The following IQCM variants were observed in gnomAD, a reference collection of about 807,000 sequenced individuals.
IQCM encodes the protein IQ domain-containing protein M.
A neutral mutation model predicts 57.6 loss-of-function variants in IQCM; 45 were observed. That is an observed-to-expected ratio of 0.78 (90% CI 0.62 to 1.00). The LOEUF is 1.00. IQCM is among the 50% of genes least tolerant of loss of function. The pLI is 0.00. For missense variants in IQCM, 468 were observed against 511.6 expected (o/e 0.91, Z 0.82); for synonymous variants, 148 against 158.9 (o/e 0.93, Z 0.51).
At chr4:149,490,125 TAATC>T (rs1486653780) in intron 12 of IQCM, among the ~76,000 whole-genome samples, 16 of 151,898 alleles carry the variant, frequency 1.1e-4, no homozygotes. Flanking sequence ...ATAAGTTGCA[TAATC>T]AATGAAAAAA....
intron 5 of IQCM, among the ~76,000 whole-genome samples, chr4:149,728,153 C>CT (rs1766131148): frequency 6.6e-6 from 1 of 152,216 alleles, no homozygotes; most frequent in African/African-American, 2.4e-5. Context: ...CACATTAACT[C>CT]TTTTTTCACT....
At chr4:149,456,007 A>C (rs1194226166) in intron 12 of IQCM, among the ~76,000 whole-genome samples, 2 of 151,918 alleles carry the variant, frequency 1.3e-5, no homozygotes, top group Non-Finnish European at 2.9e-5. Context: ...TAAAAAAGAA[A>C]AGATTTCTTA....
intron 12 of IQCM, among the ~76,000 whole-genome samples, chr4:149,474,532 A>T (rs918186552): frequency 7.6e-5 from 11 of 144,384 alleles, no homozygotes; most frequent in Non-Finnish European, 1.1e-4. Context: ...ACATGGTGAA[A>T]CCCCGTCACT....
intron 12 of IQCM, among the ~76,000 whole-genome samples, chr4:149,484,117 T>G (rs1435603500): frequency 6.6e-6 from 1 of 152,028 alleles, no homozygotes; most frequent in Non-Finnish European, 1.5e-5. Context: ...CCTGCTCTTT[T>G]TTTGTTTGTT....
intron 12 of IQCM, among the ~76,000 whole-genome samples, chr4:149,452,101 C>T (rs1379076229): frequency 6.6e-6 from 1 of 151,534 alleles, no homozygotes; most frequent in African/African-American, 2.4e-5. Context: ...AAAATTGCAT[C>T]ATGATATATT....
intron 5 of IQCM, among the ~76,000 whole-genome samples, chr4:149,732,042 A>G (rs190682616): frequency 7.2e-5 from 11 of 152,146 alleles, no homozygotes; most frequent in African/African-American, 2.6e-4. Flanking sequence ...CTCCTCACTT[A>G]GCTCTCTGTC....
chr4:149,440,196 AACCTCAGGTGATC>A (rs1454286108), intron 12 of IQCM, among the ~76,000 whole-genome samples: 2 of 139,716 alleles, frequency 1.4e-5, no homozygotes, highest in East Asian at 4.2e-4. Context: ...TCAAACTCCC[AACCTCAGGTGATC>A]TGCCGCCTTG....
intron 13 of IQCM, among the ~76,000 whole-genome samples, chr4:149,403,490 C>T (rs955570350): frequency 1.3e-5 from 2 of 151,910 alleles, no homozygotes; most frequent in African/African-American, 2.4e-5. Context: ...AGTTTGAGAG[C>T]AATAGCAATT....
chr4:149,815,537 G>T (rs1774981761), intron 1 of IQCM, 63 bp downstream of exon 1: 1 of 151,802 alleles, frequency 6.6e-6, no homozygotes, highest in Non-Finnish European at 1.5e-5. Flanking sequence ...AGTGTGTAAA[G>T]CTTTTTATAA....
chr4:149,793,367 A>AT (rs1772816862), intron 2 of IQCM, among the ~76,000 whole-genome samples: 2 of 152,052 alleles, frequency 1.3e-5, no homozygotes, highest in South Asian at 2.1e-4. Flanking sequence ...TAGGCACCTC[A>AT]TTTTCCACCT....
At chr4:149,462,105 T>C (rs1429176108) in intron 12 of IQCM, among the ~76,000 whole-genome samples, 1 of 152,178 alleles carries the variant, frequency 6.6e-6, no homozygotes, top group Non-Finnish European at 1.5e-5. Context: ...GAGTGATCTA[T>C]GAATTATTTG....
intron 13 of IQCM, among the ~76,000 whole-genome samples, chr4:149,406,159 C>T (rs910223451): frequency 6.6e-6 from 1 of 151,856 alleles, no homozygotes; most frequent in Non-Finnish European, 1.5e-5. Context: ...TACCCTTAGC[C>T]AGGAACTGTC....
At chr4:149,776,845 A>C (rs900135577) in intron 2 of IQCM, among the ~76,000 whole-genome samples, 1 of 151,500 alleles carries the variant, frequency 6.6e-6, no homozygotes. Context: ...TCAAGAGTCT[A>C]TAATAAAATA....
chr4:149,732,815 C>A (rs1274297329), intron 5 of IQCM, among the ~76,000 whole-genome samples: 1 of 152,184 alleles, frequency 6.6e-6, no homozygotes, highest in African/African-American at 2.4e-5. Flanking sequence ...TTTACAATTT[C>A]TTTTAAGGGA....
intron 3 of IQCM, among the ~76,000 whole-genome samples, chr4:149,738,214 CT>C: frequency 6.6e-6 from 1 of 152,310 alleles, no homozygotes; most frequent in Admixed American, 6.5e-5. Flanking sequence ...AAATGTACTG[CT>C]TTTCCCAGTG....
At chr4:149,521,675 C>T (rs1332245202) in intron 12 of IQCM, among the ~76,000 whole-genome samples, 1 of 152,226 alleles carries the variant, frequency 6.6e-6, no homozygotes, top group Non-Finnish European at 1.5e-5. Flanking sequence ...GCATTAAAGG[C>T]TTCACTGGAC....
At chr4:149,598,238 C>A (rs151052823) in intron 8 of IQCM, among the ~76,000 whole-genome samples, 1 of 151,858 alleles carries the variant, frequency 6.6e-6, no homozygotes, top group Non-Finnish European at 1.5e-5. Context: ...TAACAAACAA[C>A]GACACAATGA....
chr4:149,683,716 C>G (rs1489399612), intron 6 of IQCM, among the ~76,000 whole-genome samples: 1 of 151,184 alleles, frequency 6.6e-6, no homozygotes, highest in East Asian at 1.9e-4. Flanking sequence ...ATTTAATCTC[C>G]AAGTTAGAAC....
intron 13 of IQCM, among the ~76,000 whole-genome samples, chr4:149,361,323 G>T (rs1437465087): frequency 6.6e-6 from 1 of 152,208 alleles, no homozygotes; most frequent in East Asian, 1.9e-4. Context: ...TTTCTGGGGA[G>T]AAATTCAAGC....
Sources: gnomAD v4.1 joint callset for allele counts (sites outside exome capture counted in the v4.1 genomes callset) on GRCh38, gnomAD v4.1.1 for gene constraint, MANE v1.5 for transcripts, NCBI Gene and HGNC (gene_info 2026-07-23, HGNC 2026-07-21) for gene names.